TSBP1: variants seen among roughly 807,000 people sequenced by gnomAD.
TSBP1 encodes testis expressed basic protein 1, also known as testis-expressed basic protein 1.
A neutral mutation model predicts 68.8 loss-of-function variants in TSBP1; 56 were observed. The observed-to-expected ratio is 0.81, with a 90% CI of 0.66 to 1.02. TSBP1 has a LOEUF of 1.02. Ranked by LOEUF, TSBP1 falls within the 50% of genes least tolerant of loss-of-function variation. The pLI, the probability that TSBP1 is intolerant of heterozygous loss-of-function variation, is 0.00. For synonymous variants in TSBP1, 171 were observed against 208.7 expected, an observed-to-expected ratio of 0.82 and a Z score of 1.56; for missense variants, 502 against 641.2, an observed-to-expected ratio of 0.78 and a Z score of 2.34.
chr6:32,359,692 T>C (rs1344573173), intron 6 of TSBP1, among the ~76,000 whole-genome samples: 1 of 152,128 alleles, frequency 6.6e-6, no homozygotes, highest in Non-Finnish European at 1.5e-5. Context: ...TGCCATTGCT[T>C]TTGGTGTTTT....
At chr6:32,327,941 G>A (rs1404189701) in intron 16 of TSBP1, among the ~76,000 whole-genome samples, 1 of 150,988 alleles carries the variant, frequency 6.6e-6, no homozygotes. Context: ...ACAGGCACCC[G>A]CCACCATGCC....
chr6:32,366,094 A>G (rs992775519), intron 6 of TSBP1, 73 bp downstream of exon 6: 27 of 1,591,970 alleles, frequency 1.7e-5, no homozygotes, highest in Non-Finnish European at 2.2e-5. Flanking sequence ...GTCAGTTTTT[A>G]TAGCCTTTTA....
intron 16 of TSBP1, among the ~76,000 whole-genome samples, chr6:32,327,658 T>TATTTTCTTTCTTTC (rs1554195529): frequency 2.5e-4 from 37 of 145,204 alleles, no homozygotes; most frequent in South Asian, 2.2e-4. Context: ...CTTTTTCTTT[T>TATTTTCTTTCTTTC]TTTTTTTCTT....
chr6:32,336,545 G>T lies in TSBP1; in HGVS notation c.430+70C>A. Reference sequence around the variant, plus strand: ...AAATTATTTTTAAAAATGCAGGGCAGATCAGGCCCCAAGACCTTGTAGGTC... The same window carrying T: ...AAATTATTTTTAAAAATGCAGGGCATATCAGGCCCCAAGACCTTGTAGGTC... On this transcript the variant is annotated intron_variant, in intron 12 of 22. Transcript: ENST00000612031. The surrounding 1 kb of genome is among the most constrained non-coding windows in gnomAD (Gnocchi z 5.2). 2 of 1,283,198 alleles carry T rather than the reference G, an allele frequency of 1.6e-6. No homozygotes were observed. Among genetic ancestry groups the T allele is most frequent in the Non-Finnish European group, 2.3e-6 (2 of 885,040 alleles). The allele number at this position is 1,283,198 out of a possible 1,614,324, so 79.5% of individuals were successfully genotyped here. A position where few individuals can be genotyped will look rare whatever the true frequency, so the allele number is the denominator to read the frequency against.
chr6:32,369,373 A>ATTTTTTTTTTTTTTTTTT lies in TSBP1; in HGVS notation c.100+523_100+524insAAAAAAAAAAAAAAAAAA, dbSNP rs9281761. ...CTTATTACTTTTGCTAAACTCTGTG[A>ATTTTTTTTTTTTTTTTTT]TTTTTTTTTTTTTTTGAGATGGAGT... is the stretch of plus-strand genomic sequence containing the variant. On this transcript the variant is annotated intron_variant, in intron 2 of 22. Transcript: ENST00000612031. Among the ~76,000 whole-genome samples, 278 of 126,952 alleles carry ATTTTTTTTTTTTTTTTTT rather than the reference A, an allele frequency of 2.2e-3. 10 individuals are homozygous for ATTTTTTTTTTTTTTTTTT. Among genetic ancestry groups the ATTTTTTTTTTTTTTTTTT allele is most frequent in the East Asian group, 5.3e-3 (23 of 4,380 alleles). 83.3% of individuals were successfully genotyped at this position (126,952 alleles called of 152,430 possible).
rs146226917 is a variant in TSBP1 at position 32,361,279 on chromosome 6, T to C, written c.217+4888A>G. ...CACATATTCTTAATCTGGTGTATCATTGATGGACTTTTGGGTTGGTTCCAA... is the reference window on the plus strand; with the variant it reads ...CACATATTCTTAATCTGGTGTATCACTGATGGACTTTTGGGTTGGTTCCAA... On this transcript the variant is annotated intron_variant, in intron 6 of 22. Coordinates refer to ENST00000612031, the Ensembl canonical transcript of TSBP1. This position sits in a 1 kb window ranked among gnomAD's most constrained non-coding sequence, Gnocchi z 4.3. Among the ~76,000 whole-genome samples, 752 of 152,314 alleles carry C rather than the reference T, an allele frequency of 4.9e-3. 7 individuals are homozygous for C. The highest frequency in any genetic ancestry group is 0.017 in the African/African-American group (703 of 41,566).
Position 32,343,063 on chromosome 6 carries a change from A to G in TSBP1, c.350-3425T>C, listed in dbSNP as rs1770561091. ...TCTTAGAGAGGGGGAAATGTGAGAAAGGTGGGCATGATCCAGTTAAGATGG... is the reference window on the plus strand; with the variant it reads ...TCTTAGAGAGGGGGAAATGTGAGAAGGGTGGGCATGATCCAGTTAAGATGG... On this transcript the variant is annotated intron_variant, in intron 9 of 22. Coordinates refer to ENST00000612031, the Ensembl canonical transcript of TSBP1. The surrounding 1 kb of genome is among the most constrained non-coding windows in gnomAD (Gnocchi z 4.3). Among the ~76,000 whole-genome samples the G allele has an allele frequency of 6.6e-6, 1 of 152,200 alleles. No individual in the cohort carries two copies. The highest frequency in any genetic ancestry group is 1.5e-5 in the Non-Finnish European group (1 of 68,044).
chr6:32,371,635 A>C, intron 1 of TSBP1, 59 bp downstream of exon 1: 1 of 1,247,466 alleles, frequency 8.0e-7, no homozygotes, highest in East Asian at 2.3e-5. Context: ...TAAGTCCCTA[A>C]GAGGAGACTC....
At position 32,368,645 on chromosome 6, in the gene TSBP1, A is replaced by C. The variant is rs1011890282; in HGVS notation, c.133+137T>G. The C allele has an allele frequency of 4.0e-5, 35 of 878,626 alleles. 1 individual carries two copies. The highest frequency in any genetic ancestry group is 6.0e-5 in the Non-Finnish European group (35 of 586,418). The allele number at this position is 878,626 out of a possible 1,614,324, so 54.4% of individuals were successfully genotyped here. ...TCTGGTAGATTTCTCCCACTCACTT[A>C]GAAGCAGTTCAGTTCATGCAATGGT... On this transcript the variant is annotated intron_variant, in intron 3 of 22. Coordinates refer to ENST00000612031, the Ensembl canonical transcript of TSBP1.
chr6:32,328,924 A>G (rs1483913445), intron 16 of TSBP1, among the ~76,000 whole-genome samples: 1 of 152,178 alleles, frequency 6.6e-6, no homozygotes, highest in Non-Finnish European at 1.5e-5. Context: ...AGGTACAAGT[A>G]CAGATTTCTT....
intron 22 of TSBP1, among the ~76,000 whole-genome samples, chr6:32,297,838 C>G (rs750331790): frequency 6.6e-6 from 1 of 152,004 alleles, no homozygotes; most frequent in African/African-American, 2.4e-5. Context: ...ATGGGAGGAT[C>G]GCTTGAGGCC....
rs1347613120 is a variant in TSBP1, at chr6:32,316,443, T to G, written c.560-651A>C. Reference sequence around the variant, plus strand: ...AAAAAATTAGATATCAGTGAAGATTTGTTTGAAAGGAGCAAGTTTCCTTCT... The same window carrying G: ...AAAAAATTAGATATCAGTGAAGATTGGTTTGAAAGGAGCAAGTTTCCTTCT... On this transcript the variant is annotated intron_variant, in intron 18 of 22. Transcript: ENST00000612031. The surrounding 1 kb of genome is among the most constrained non-coding windows in gnomAD (Gnocchi z 4.5). The G allele has an allele frequency of 1.3e-6, 2 of 1,546,998 alleles. No homozygotes were observed. The highest frequency in any genetic ancestry group is 3.9e-5 in the Admixed American group (2 of 50,810).
rs760058959 is a variant in TSBP1 at position 32,371,690 on chromosome 6, A to G, written c.13+4T>C. On this transcript the variant is annotated splice_donor_region_variant and intron_variant, in intron 1 of 22. Coordinates refer to ENST00000612031, the Ensembl canonical transcript of TSBP1. Reference sequence around the variant, plus strand: ...GAAGCCTCAAAGAGGGAGTTAGTCCATACCCAAGACTGTCATTTTCCATGT... The same window carrying G: ...GAAGCCTCAAAGAGGGAGTTAGTCCGTACCCAAGACTGTCATTTTCCATGT... 3 of 1,610,902 alleles carry G rather than the reference A, an allele frequency of 1.9e-6. No individual in the cohort carries two copies. Among genetic ancestry groups the G allele is most frequent in the Admixed American group, 3.3e-5 (2 of 60,030 alleles).
At chr6:32,368,683 G>C in intron 3 of TSBP1, 99 bp downstream of exon 3, 1 of 1,294,288 alleles carries the variant, frequency 7.7e-7, no homozygotes, top group Non-Finnish European at 1.1e-6. Context: ...ACTATGCAAG[G>C]TTCTGGAAAC....
At chr6:32,363,590 A>C (rs528655046) in intron 6 of TSBP1, among the ~76,000 whole-genome samples, 1 of 151,612 alleles carries the variant, frequency 6.6e-6, no homozygotes, top group South Asian at 2.1e-4. Flanking sequence ...AGTCTATTTG[A>C]AGCTAATAAT....
At position 32,340,781 on chromosome 6, in the gene TSBP1, TGAG is replaced by T. The variant is rs1770242177; in HGVS notation, c.350-1146_350-1144del. Among the ~76,000 whole-genome samples the T allele has an allele frequency of 6.7e-6, 1 of 149,550 alleles. No homozygotes were observed. The highest frequency in any genetic ancestry group is 1.5e-5 in the Non-Finnish European group (1 of 67,508). ...CCTGACCTAAAGTAATATGGAATAA[TGAG>T]GAGAAAGGAATTTTTCTTTCTTTTT... On this transcript the variant is annotated intron_variant, in intron 9 of 22. Transcript: ENST00000612031. The surrounding 1 kb of genome is among the most constrained non-coding windows in gnomAD (Gnocchi z 4.8).
chr6:32,319,375 C>T (rs1767348730), intron 18 of TSBP1, among the ~76,000 whole-genome samples: 1 of 152,222 alleles, frequency 6.6e-6, no homozygotes, highest in Non-Finnish European at 1.5e-5. Context: ...TCCTACTTGC[C>T]CTCTTGAGCC....
At position 32,335,033 on chromosome 6, in the gene TSBP1, CAAAA is replaced by C. The variant is rs1189422493; in HGVS notation, c.472+400_472+403del. Reference sequence around the variant, plus strand: ...CGGATGACAGAGCGAGACTCCATCTCAAAAAAAATAAAGAAAGGAAACTTAAAAT... The same window carrying C: ...CGGATGACAGAGCGAGACTCCATCTCAAAATAAAGAAAGGAAACTTAAAAT... On this transcript the variant is annotated intron_variant, in intron 14 of 22. Transcript: ENST00000612031. This position sits in a 1 kb window ranked among gnomAD's most constrained non-coding sequence, Gnocchi z 5.5. 1.4e-4 allele frequency among the ~76,000 whole-genome samples: 21 copies of C among 150,578 alleles called. No individual in the cohort carries two copies. The highest frequency in any genetic ancestry group is 1.3e-4 in the Non-Finnish European group (9 of 67,688).
At chr6:32,341,506 A>C (rs1770347413) in intron 9 of TSBP1, among the ~76,000 whole-genome samples, 1 of 152,166 alleles carries the variant, frequency 6.6e-6, no homozygotes, top group African/African-American at 2.4e-5. Context: ...ATTTAAAGTA[A>C]TACCATCCTG....
Sources: gnomAD v4.1 joint callset for allele counts (sites outside exome capture counted in the v4.1 genomes callset) on GRCh38, gnomAD v4.1.1 for gene constraint, Gnocchi (gnomAD v3.1) non-coding constraint, MANE v1.5 for transcripts, NCBI Gene and HGNC (gene_info 2026-07-23, HGNC 2026-07-21) for gene names.